Variants in OSTN observed in about 807,000 individuals in gnomAD.
OSTN encodes the protein osteocrin.
A neutral mutation model predicts 12.0 loss-of-function variants in OSTN; 9 were observed. The observed-to-expected ratio is 0.75, with a 90% CI of 0.45 to 1.30. OSTN has a LOEUF of 1.30. Among genes scored for constraint, OSTN ranks in the 50% most tolerant of loss-of-function variants. The pLI, the probability that OSTN is intolerant of heterozygous loss-of-function variation, is 0.00. For synonymous variants in OSTN, 59 were observed against 56.9 expected, an observed-to-expected ratio of 1.04 and a Z score of -0.16; for missense variants, 148 against 152.3, an observed-to-expected ratio of 0.97 and a Z score of 0.15.
intron 1 of OSTN, among the ~76,000 whole-genome samples, chr3:191,206,958 G>T (rs148132344): frequency 2.6e-5 from 4 of 152,104 alleles, no homozygotes; most frequent in African/African-American, 9.7e-5. Flanking sequence ...GCTGACTCAC[G>T]ACTTGCCTGG....
At chr3:191,230,603 G>C (rs1055096117) in intron 3 of OSTN, among the ~76,000 whole-genome samples, 1 of 146,874 alleles carries the variant, frequency 6.8e-6, no homozygotes, top group East Asian at 2.0e-4. Flanking sequence ...ATTCTTAAAA[G>C]GGCTAAGTAG....
intron 3 of OSTN, among the ~76,000 whole-genome samples, chr3:191,240,323 T>A (rs920135992): frequency 6.6e-6 from 1 of 152,214 alleles, no homozygotes; most frequent in Non-Finnish European, 1.5e-5. Context: ...AATGTAAACA[T>A]TTTAGTTTTG....
At chr3:191,239,480 C>T (rs1214416143) in intron 3 of OSTN, among the ~76,000 whole-genome samples, 1 of 152,216 alleles carries the variant, frequency 6.6e-6, no homozygotes, top group Non-Finnish European at 1.5e-5. Flanking sequence ...AGTACAGTCA[C>T]TTAAATCTCA....
intron 4 of OSTN, among the ~76,000 whole-genome samples, chr3:191,259,258 C>T (rs1353068548): frequency 1.3e-5 from 2 of 151,626 alleles, no homozygotes; most frequent in Non-Finnish European, 2.9e-5. Context: ...GCAGTAGCAC[C>T]GTCTCAGCTC....
At position 191,263,750 on chromosome 3, in the gene OSTN, C is replaced by T. The variant is rs1369083793; in HGVS notation, c.*897C>T. ...TATTGGCTTCTTTGGCTTCAATTGT[C>T]TTATTATCCTTAGTAAGCCAATTGA... On this transcript the variant is annotated 3_prime_UTR_variant, in exon 5 of 5. Transcript: ENST00000682035. The T allele has an allele frequency of 6.6e-6, 1 of 152,078 alleles. No individual in the cohort carries two copies. The highest frequency in any genetic ancestry group is 2.4e-5 in the African/African-American group (1 of 41,422). The allele number at this position is 152,078 out of a possible 1,614,324, so 9.4% of individuals were successfully genotyped here. A position where few individuals can be genotyped will look rare whatever the true frequency, so the allele number is the denominator to read the frequency against.
At chr3:191,231,618 A>G (rs1475770614) in intron 3 of OSTN, among the ~76,000 whole-genome samples, 1 of 152,206 alleles carries the variant, frequency 6.6e-6, no homozygotes, top group African/African-American at 2.4e-5. Context: ...TATACGCATG[A>G]GTGTGCACAA....
At chr3:191,246,250 A>G (rs1715428614) in intron 3 of OSTN, among the ~76,000 whole-genome samples, 1 of 151,874 alleles carries the variant, frequency 6.6e-6, no homozygotes, top group Non-Finnish European at 1.5e-5. Context: ...ACTTCCTCTC[A>G]TTCACGTTGT....
intron 3 of OSTN, among the ~76,000 whole-genome samples, chr3:191,246,809 A>G (rs1437127874): frequency 6.6e-6 from 1 of 151,596 alleles, no homozygotes; most frequent in East Asian, 1.9e-4. Context: ...TTGATTCATT[A>G]TCTAAGCCTT....
chr3:191,239,639 T>C (rs1715276932), intron 3 of OSTN, among the ~76,000 whole-genome samples: 1 of 152,266 alleles, frequency 6.6e-6, no homozygotes, highest in Non-Finnish European at 1.5e-5. Flanking sequence ...ATTATCACTT[T>C]TGAGACAGAA....
intron 1 of OSTN, among the ~76,000 whole-genome samples, chr3:191,208,044 A>G (rs1455060786): frequency 6.6e-6 from 1 of 152,210 alleles, no homozygotes; most frequent in Admixed American, 6.5e-5. Flanking sequence ...GTACACAGAT[A>G]ATCTTCTTAT....
chr3:191,208,004 A>G (rs772520351), intron 1 of OSTN, among the ~76,000 whole-genome samples: 17 of 152,234 alleles, frequency 1.1e-4, no homozygotes, highest in Non-Finnish European at 2.2e-4. Context: ...CAAAACACAT[A>G]ATAGTCCAAT....
rs913435996 is a variant in OSTN at position 191,241,247 on chromosome 3, C to T, written c.318-8790C>T. 3.1e-5 allele frequency among the ~76,000 whole-genome samples: 4 copies of T among 128,868 alleles called. No homozygotes were observed. In the East Asian group the frequency reaches 7.6e-4, roughly 24 times the overall value. The allele number at this position is 128,868 out of a possible 152,430, so 84.5% of individuals were successfully genotyped here. A position where few individuals can be genotyped will look rare whatever the true frequency, so the allele number is the denominator to read the frequency against. On this transcript the variant is annotated intron_variant, in intron 3 of 4. Coordinates refer to ENST00000682035, the MANE Select transcript of OSTN (RefSeq NM_198184.2). Reference sequence around the variant, plus strand: ...AGGCTGGAGTGCAGTGGCGCGATCTCGGCTTACTGCAAGTTCCGCCTCCCG... The same window carrying T: ...AGGCTGGAGTGCAGTGGCGCGATCTTGGCTTACTGCAAGTTCCGCCTCCCG...
intron 3 of OSTN, among the ~76,000 whole-genome samples, chr3:191,230,744 T>G (rs1715033607): frequency 6.6e-6 from 1 of 152,156 alleles, no homozygotes; most frequent in African/African-American, 2.4e-5. Flanking sequence ...GAACGTGCAG[T>G]GCAGAACCCA....
chr3:191,232,504 T>A (rs972216438), intron 3 of OSTN, among the ~76,000 whole-genome samples: 2 of 129,386 alleles, frequency 1.5e-5, no homozygotes, highest in Admixed American at 1.6e-4. Context: ...ATAAAGTAAA[T>A]GCTATATATA....
chr3:191,258,110 T>A (rs1270120133), intron 4 of OSTN, among the ~76,000 whole-genome samples: 1 of 152,202 alleles, frequency 6.6e-6, no homozygotes, highest in Non-Finnish European at 1.5e-5. Context: ...AGAAAACAGG[T>A]AGCAAATTTA....
In OSTN at chr3:191,200,514, T is replaced by C. The variant is rs773339641; in HGVS notation, c.-1+1207T>C. The stretch of plus-strand genomic sequence containing the variant: ...TTAATAAAATTAGATTAATTGAACT[T>C]GTCTCAAAAATAAAGAACTCGAAGT... On this transcript the variant is annotated intron_variant, in intron 1 of 4. Transcript: ENST00000682035. 8.5e-5 allele frequency among the ~76,000 whole-genome samples: 13 copies of C among 152,298 alleles called. No homozygotes were observed. The South Asian group carries it at 2.7e-3, about 32-fold the overall frequency.
chr3:191,230,567 A>AC (rs1715028760), intron 3 of OSTN, among the ~76,000 whole-genome samples: 1 of 150,000 alleles, frequency 6.7e-6, no homozygotes, highest in Non-Finnish European at 1.5e-5. Flanking sequence ...CGTCTCAAAA[A>AC]AAAAAAAAAA....
intron 3 of OSTN, among the ~76,000 whole-genome samples, chr3:191,235,337 C>A (rs1034850563): frequency 9.2e-5 from 14 of 152,194 alleles, no homozygotes; most frequent in Non-Finnish European, 1.9e-4. Context: ...TAGCTTGGAC[C>A]CCATTCATCC....
At chr3:191,222,997 ATTAAAATTAAATTAATTTAAAT>A (rs1421155827) in intron 3 of OSTN, among the ~76,000 whole-genome samples, 9 of 152,138 alleles carry the variant, frequency 5.9e-5, no homozygotes, top group African/African-American at 1.2e-4. Flanking sequence ...CCTGTGGGGA[ATTAAAATTAAATTAATTTAAAT>A]TTAAAATTAA....
Sources: gnomAD v4.1 joint callset for allele counts (sites outside exome capture counted in the v4.1 genomes callset) on GRCh38, gnomAD v4.1.1 for gene constraint, MANE v1.5 for transcripts, NCBI Gene and HGNC (gene_info 2026-07-23, HGNC 2026-07-21) for gene names.